The following NFIC variants were observed in gnomAD, a reference collection of about 807,000 sequenced individuals.
The protein encoded by NFIC is nuclear factor I C, also known as nuclear factor 1 C-type.
NFIC carries 12 observed loss-of-function variants against 54.4 expected under a neutral mutation model. The ratio of observed to expected loss-of-function variants is 0.22; its 90% confidence interval spans 0.14 to 0.36. NFIC has a LOEUF of 0.36. Ranked by LOEUF, NFIC falls within the 10% of genes least tolerant of loss-of-function variation. The probability of loss-of-function intolerance (pLI) is 1.00; values close to 1 mark genes in which losing one functional copy is unlikely to be tolerated. For synonymous variants in NFIC, 322 were observed against 319.2 expected (o/e 1.01, Z -0.09); for missense variants, 575 against 718.2 (o/e 0.80, Z 2.28).
At chr19:3,377,736 T>G (rs901002196) in intron 1 of NFIC, among the ~76,000 whole-genome samples, 19 of 151,778 alleles carry the variant, frequency 1.3e-4, no homozygotes, top group South Asian at 2.1e-4. Context: ...CTCAGCCTCC[T>G]AAGTAGCTAG....
At chr19:3,403,512 G>A (rs989620352) in intron 2 of NFIC, among the ~76,000 whole-genome samples, 5 of 152,208 alleles carry the variant, frequency 3.3e-5, no homozygotes, top group African/African-American at 9.6e-5. Context: ...CCCTCCCCAA[G>A]CAAGACTGGC....
intron 2 of NFIC, among the ~76,000 whole-genome samples, chr19:3,396,471 C>CA (rs60749462): frequency 0.052 from 2,880 of 55,130 alleles, 139 homozygotes; most frequent in African/African-American, 0.13. Flanking sequence ...GACTCCGTCT[C>CA]AAAAAAAAAA....
rs1437391146 is a variant in NFIC, at chr19:3,464,253, C to A, written c.*1484C>A. 2 of 985,274 alleles carry A rather than the reference C, an allele frequency of 2.0e-6. No homozygotes were observed. Among genetic ancestry groups the A allele is most frequent in the Non-Finnish European group, 2.4e-6 (2 of 829,920 alleles). The allele number at this position is 985,274 out of a possible 1,614,324, so 61.0% of individuals were successfully genotyped here. On this transcript the variant is annotated 3_prime_UTR_variant, in exon 11 of 11. Coordinates refer to ENST00000443272, the MANE Select transcript of NFIC (RefSeq NM_001245002.2). ...GAGAGAGGAGGCCGACGCCAGCGGT[C>A]CCCGCTCGGAACGGGGAGGGTTTTC...
At chr19:3,429,249 TATATACACACACACACAC>T (rs2082081177) in intron 3 of NFIC, among the ~76,000 whole-genome samples, 1 of 27,140 alleles carries the variant, frequency 3.7e-5, no homozygotes. Flanking sequence ...AAAAAAAAAA[TATATACACACACACACAC>T]ACACACACAC....
intron 2 of NFIC, among the ~76,000 whole-genome samples, chr19:3,393,581 G>A (rs551208175): frequency 6.6e-6 from 1 of 151,776 alleles, no homozygotes; most frequent in Non-Finnish European, 1.5e-5. Context: ...TTGGGAGACC[G>A]AGGAGGGCAG....
In NFIC at chr19:3,369,485, C is replaced by G. The variant is rs182670426; in HGVS notation, c.30+2819C>G. Among the ~76,000 whole-genome samples, 1 of 151,988 alleles carries G rather than the reference C, an allele frequency of 6.6e-6. No homozygotes were observed. Among genetic ancestry groups the G allele is most frequent in the South Asian group, 2.1e-4 (1 of 4,812 alleles). On this transcript the variant is annotated intron_variant, in intron 1 of 10. Coordinates refer to ENST00000443272, the MANE Select transcript of NFIC (RefSeq NM_001245002.2). The surrounding 1 kb of genome is among the most constrained non-coding windows in gnomAD (Gnocchi z 4.3). ...TAGCTCCCTTTTAGCTGATCCGACC[C>G]GGATCCTTCTCGGGAGCCGAGGCTG...
chr19:3,404,003 T>C (rs2081599360), intron 2 of NFIC, among the ~76,000 whole-genome samples: 2 of 149,238 alleles, frequency 1.3e-5, no homozygotes, highest in South Asian at 2.1e-4. Flanking sequence ...CGGGGCTCCC[T>C]TCTCCACCCC....
chr19:3,457,169 G>A (rs538461318), intron 10 of NFIC, among the ~76,000 whole-genome samples: 4 of 152,300 alleles, frequency 2.6e-5, no homozygotes, highest in South Asian at 4.1e-4. Context: ...CCAGTGTGAG[G>A]AGTCAGGGCG....
In NFIC at chr19:3,463,906, CCCTCCCCTCCAG is replaced by C. The variant is rs2082679081; in HGVS notation, c.*1142_*1153del. On this transcript the variant is annotated 3_prime_UTR_variant, in exon 11 of 11. Transcript: ENST00000443272. Reference sequence around the variant, plus strand: ...CACGGAATGGCCGCGGGCCTCCTCCCCCTCCCCTCCAGCCTCTCCACCAGCCCCTCCAGTCAA... The same window carrying C: ...CACGGAATGGCCGCGGGCCTCCTCCCCCTCTCCACCAGCCCCTCCAGTCAA... 2.1e-6 allele frequency: 2 copies of C among 965,842 alleles called. No homozygotes were observed. 59.8% of individuals were successfully genotyped at this position (965,842 alleles called of 1,614,324 possible).
chr19:3,456,340 G>A (rs1237867295), intron 9 of NFIC, among the ~76,000 whole-genome samples: 1 of 152,124 alleles, frequency 6.6e-6, no homozygotes, highest in African/African-American at 2.4e-5. Flanking sequence ...CGGGCCCCTC[G>A]AGTCAGGATC....
chr19:3,455,298 C>T (rs1051501985), intron 9 of NFIC, among the ~76,000 whole-genome samples: 10 of 151,836 alleles, frequency 6.6e-5, no homozygotes, highest in Admixed American at 5.3e-4. Context: ...GTGGGATCCA[C>T]TCAGGGCTCG....
rs370082450 is a variant in NFIC, at chr19:3,379,673, C to CTTTTT, written c.31-2020_31-2016dup. ...ATTTTTCATTTTTTTTTATTTCTTT[C>CTTTTT]TTTTTTTTTTTTTTTTTTTTTTTGA... On this transcript the variant is annotated intron_variant, in intron 1 of 10. Transcript: ENST00000443272. Among the ~76,000 whole-genome samples, 685 of 102,370 alleles carry CTTTTT rather than the reference C, an allele frequency of 6.7e-3. 2 individuals carry two copies. The highest frequency in any genetic ancestry group is 0.017 in the East Asian group (52 of 3,024). The allele number at this position is 102,370 out of a possible 152,430, so 67.2% of individuals were successfully genotyped here.
intron 2 of NFIC, among the ~76,000 whole-genome samples, chr19:3,386,950 G>C (rs564706615): frequency 8.1e-4 from 123 of 152,360 alleles, no homozygotes; most frequent in Middle Eastern, 3.4e-3. Context: ...TTGTCACCCT[G>C]ACAGCAGGAA....
At chr19:3,454,098 T>C in intron 9 of NFIC, 182 bp downstream of exon 9, 1 of 1,359,426 alleles carries the variant, frequency 7.4e-7, no homozygotes, top group Non-Finnish European at 9.4e-7. Flanking sequence ...TGAGGCAGCC[T>C]TAGGGGCTGG....
upstream of NFIC, among the ~76,000 whole-genome samples, chr19:3,363,241 GTA>G (rs1555736643): frequency 7.4e-4 from 57 of 77,048 alleles, no homozygotes; most frequent in East Asian, 3.6e-3. Context: ...GTATGTGTGT[GTA>G]TATATATATA....
intron 2 of NFIC, among the ~76,000 whole-genome samples, chr19:3,399,296 G>T (rs144225307): frequency 1.3e-5 from 2 of 152,200 alleles, no homozygotes; most frequent in Non-Finnish European, 2.9e-5. Context: ...TTACATGCCC[G>T]CCAGGCATGG....
chr19:3,366,285 G>A (rs1296363041), upstream of NFIC, among the ~76,000 whole-genome samples: 1 of 148,804 alleles, frequency 6.7e-6, no homozygotes, highest in Admixed American at 6.7e-5. Context: ...CTCCTTTCTC[G>A]CTCGCGCCCT....
upstream of NFIC, among the ~76,000 whole-genome samples, chr19:3,365,484 G>A (rs553697793): frequency 4.4e-4 from 67 of 152,316 alleles, no homozygotes; most frequent in African/African-American, 1.6e-3. Flanking sequence ...GTGAACCGGG[G>A]GAGGGTTGGG....
intron 2 of NFIC, among the ~76,000 whole-genome samples, chr19:3,411,453 G>T (rs573271886): frequency 1.3e-5 from 2 of 149,466 alleles, no homozygotes; most frequent in Admixed American, 6.8e-5. Context: ...TCAGCCTACC[G>T]AGTAGCTGGG....
Sources: gnomAD v4.1 joint callset for allele counts (sites outside exome capture counted in the v4.1 genomes callset) on GRCh38, gnomAD v4.1.1 for gene constraint, Gnocchi (gnomAD v3.1) non-coding constraint, MANE v1.5 for transcripts, NCBI Gene and HGNC (gene_info 2026-07-23, HGNC 2026-07-21) for gene names.